NEBL: variants seen among roughly 807,000 people sequenced by gnomAD.
NEBL encodes nebulette.
A neutral mutation model predicts 140.2 loss-of-function variants in NEBL; 122 were observed. The observed-to-expected ratio is 0.87, with a 90% CI of 0.75 to 1.01. The LOEUF (loss-of-function observed/expected upper bound fraction) is 1.01, where lower values mean the gene tolerates loss of function less well. NEBL is among the 50% of genes least tolerant of loss of function. NEBL has a pLI of 0.00. For synonymous variants in NEBL, 436 were observed against 398.9 expected, an observed-to-expected ratio of 1.09 and a Z score of -1.11; for missense variants, 1,365 against 1,231.3, an observed-to-expected ratio of 1.11 and a Z score of -1.62.
intron 26 of NEBL, among the ~76,000 whole-genome samples, chr10:20,798,931 A>G (rs1362656543): frequency 1.3e-5 from 2 of 152,194 alleles, no homozygotes. Context: ...CATTTCTTTC[A>G]TTCCATTTCT....
intron 3 of NEBL, among the ~76,000 whole-genome samples, chr10:21,230,694 C>T (rs113117123): frequency 0.04 from 6,098 of 151,664 alleles, 192 homozygotes; most frequent in South Asian, 0.14. Flanking sequence ...AACCTCCGCC[C>T]CCTGGGTTCA....
At chr10:21,270,007 T>C (rs1351435718) in intron 1 of NEBL, among the ~76,000 whole-genome samples, 1 of 152,266 alleles carries the variant, frequency 6.6e-6, no homozygotes, top group East Asian at 1.9e-4. Context: ...ATGAACTCCA[T>C]GTAAAATTGC....
intron 5 of NEBL, among the ~76,000 whole-genome samples, chr10:20,871,769 T>A: frequency 6.6e-6 from 1 of 152,298 alleles, no homozygotes; most frequent in Non-Finnish European, 1.5e-5. Context: ...AAAAGGAACA[T>A]AAAAATAAGG....
intron 2 of NEBL, among the ~76,000 whole-genome samples, chr10:21,054,260 G>T (rs2131860181): frequency 6.6e-6 from 1 of 152,162 alleles, no homozygotes; most frequent in Middle Eastern, 3.4e-3. Flanking sequence ...TTTTCTGTTT[G>T]TTGTTATTGT....
chr10:21,152,262 T>C (rs1840171111), intron 2 of NEBL, among the ~76,000 whole-genome samples: 1 of 152,158 alleles, frequency 6.6e-6, no homozygotes, highest in Non-Finnish European at 1.5e-5. Flanking sequence ...CCAATGATCA[T>C]CAACGAATCT....
chr10:21,095,700 A>C (rs1337134413), intron 2 of NEBL, among the ~76,000 whole-genome samples: 1 of 152,224 alleles, frequency 6.6e-6, no homozygotes, highest in Non-Finnish European at 1.5e-5. Context: ...AGAAAGGGAC[A>C]TCTCAGTGGC....
At chr10:20,930,914 G>A (rs766434447) in intron 4 of NEBL, among the ~76,000 whole-genome samples, 4 of 152,090 alleles carry the variant, frequency 2.6e-5, no homozygotes, top group African/African-American at 9.7e-5. Context: ...CTAACCAATC[G>A]ACATCTGCTG....
At chr10:21,166,219 C>CAAAAAAAAAAAAAAA (rs1170225891) in intron 2 of NEBL, among the ~76,000 whole-genome samples, 1 of 35,378 alleles carries the variant, frequency 2.8e-5, no homozygotes, top group Admixed American at 4.2e-4. Context: ...GACTGTGTCT[C>CAAAAAAAAAAAAAAA]AAAAAAAAAA....
At chr10:21,249,808 A>G (rs1371863687) in intron 2 of NEBL, among the ~76,000 whole-genome samples, 2 of 152,172 alleles carry the variant, frequency 1.3e-5, no homozygotes, top group African/African-American at 4.8e-5. Context: ...TCACACCTGC[A>G]ATCCCAGCAC....
At chr10:21,073,419 C>T (rs980839580) in intron 2 of NEBL, among the ~76,000 whole-genome samples, 2 of 151,170 alleles carry the variant, frequency 1.3e-5, no homozygotes, top group African/African-American at 2.4e-5. Context: ...GAGTTCAAGA[C>T]CAACCTGGCC....
At chr10:21,196,245 G>A (rs1841645720) in intron 3 of NEBL, among the ~76,000 whole-genome samples, 1 of 151,608 alleles carries the variant, frequency 6.6e-6, no homozygotes, top group South Asian at 2.1e-4. Flanking sequence ...CTCGTGATCT[G>A]CCTGCCTTAG....
At chr10:20,819,763 T>C (rs1839103356) in intron 19 of NEBL, among the ~76,000 whole-genome samples, 1 of 152,072 alleles carries the variant, frequency 6.6e-6, no homozygotes, top group Non-Finnish European at 1.5e-5. Flanking sequence ...CTTGCTCCGT[T>C]GTCCAGGCTG....
At chr10:21,233,878 CATAT>C (rs1406270327) in intron 3 of NEBL, among the ~76,000 whole-genome samples, 1 of 132,896 alleles carries the variant, frequency 7.5e-6, no homozygotes, top group Non-Finnish European at 1.6e-5. Context: ...CATATATATG[CATAT>C]ATAGATATAT....
intron 2 of NEBL, among the ~76,000 whole-genome samples, chr10:21,079,665 A>T (rs780938800): frequency 1.3e-5 from 2 of 152,238 alleles, no homozygotes; most frequent in Admixed American, 1.3e-4. Flanking sequence ...TATGGTTCTC[A>T]TCTTCACCTA....
intron 19 of NEBL, among the ~76,000 whole-genome samples, chr10:20,819,961 G>C (rs1024176060): frequency 4.6e-5 from 7 of 152,074 alleles, no homozygotes; most frequent in Non-Finnish European, 8.8e-5. Flanking sequence ...TGGCCTCTCT[G>C]AGTTTGATCT....
At chr10:21,059,008 G>C (rs1010780011) in intron 2 of NEBL, among the ~76,000 whole-genome samples, 3 of 152,148 alleles carry the variant, frequency 2.0e-5, no homozygotes, top group African/African-American at 7.2e-5. Context: ...GGGTATAAAA[G>C]TAATTAAATA....
intron 3 of NEBL, among the ~76,000 whole-genome samples, chr10:21,235,661 T>C (rs980325981): frequency 6.6e-6 from 1 of 152,184 alleles, no homozygotes; most frequent in African/African-American, 2.4e-5. Flanking sequence ...AAAGTGAATA[T>C]GAGATGGCAT....
chr10:20,815,809 C>T (rs1564349234), intron 21 of NEBL, 92 bp from the exon 22 acceptor site: 1 of 949,140 alleles, frequency 1.1e-6, no homozygotes. Context: ...TGCTCTGTCA[C>T]CCAGGCTGAA....
intron 19 of NEBL, among the ~76,000 whole-genome samples, chr10:20,821,850 C>A (rs1011483119): frequency 2.0e-5 from 3 of 152,162 alleles, no homozygotes; most frequent in African/African-American, 7.2e-5. Context: ...TCACACTAAA[C>A]CCTCTTCTTG....
Sources: allele counts gnomAD v4.1 joint callset (sites outside exome capture counted in the v4.1 genomes callset), GRCh38; gene constraint gnomAD v4.1.1; transcripts MANE v1.5; gene names NCBI Gene and HGNC (gene_info 2026-07-23, HGNC 2026-07-21).